Variants in ZNF558 observed in about 807,000 individuals in gnomAD.
ZNF558 encodes zinc finger protein 558.
Under a neutral mutation model 37.6 loss-of-function variants are expected in ZNF558, and 23 were observed. That is an observed-to-expected ratio of 0.61 (90% confidence interval 0.44 to 0.87). The LOEUF (loss-of-function observed/expected upper bound fraction) is 0.87, where lower values mean the gene tolerates loss of function less well. Among genes scored for constraint, ZNF558 ranks in the 40% least tolerant of loss-of-function variants. The pLI, the probability that ZNF558 is intolerant of heterozygous loss-of-function variation, is 0.00. For synonymous variants in ZNF558, 189 were observed against 174.4 expected (o/e 1.08, Z -0.66); for missense variants, 429 against 483.7 (o/e 0.89, Z 1.06).
rs111463432 is a variant in ZNF558 at position 8,831,404 on chromosome 19, G to GAAAAAAA, written c.-592-10_-592-4dup. Reference sequence around the variant, plus strand: ...AGCTTGAATGATGCTTTTCTCATCTGAAAAAAAAAAAAAGACACAAAGATT... The same window carrying GAAAAAAA: ...AGCTTGAATGATGCTTTTCTCATCTGAAAAAAAAAAAAAAAAAAAAGACACAAAGATT... On this transcript the variant is annotated splice_polypyrimidine_tract_variant and splice_region_variant and intron_variant, in intron 1 of 9. Coordinates refer to ENST00000601372, the MANE Select transcript of ZNF558 (RefSeq NM_144693.3). 1 of 147,702 alleles carries GAAAAAAA rather than the reference G, an allele frequency of 6.8e-6. No homozygotes were observed. The highest frequency in any genetic ancestry group is 1.5e-5 in the Non-Finnish European group (1 of 67,100). 9.1% of individuals were successfully genotyped at this position (147,702 alleles called of 1,614,324 possible).
intron 4 of ZNF558, among the ~76,000 whole-genome samples, chr19:8,823,331 TCA>T (rs1276862936): frequency 3.3e-5 from 5 of 150,056 alleles, no homozygotes; most frequent in Admixed American, 2.0e-4. Flanking sequence ...CACGCAGGCC[TCA>T]GTCACCTCCT....
Position 8,822,927 on chromosome 19 carries a change from C to A in ZNF558, c.-65-203G>T. On this transcript the variant is annotated intron_variant, in intron 4 of 9. Transcript: ENST00000601372. This position sits in a 1 kb window ranked among gnomAD's most constrained non-coding sequence, Gnocchi z 4.4. ...CCTTCCTCTGTCCCCAACACAACGA[C>A]CAGTACCTCCCTGACCCACCCGCTT... The A allele has an allele frequency of 1.9e-6, 1 of 539,438 alleles. No individual in the cohort carries two copies. Among genetic ancestry groups the A allele is most frequent in the Non-Finnish European group, 3.4e-6 (1 of 298,214 alleles). The allele number at this position is 539,438 out of a possible 1,614,324, so 33.4% of individuals were successfully genotyped here.
At chr19:8,821,126 G>T in intron 7 of ZNF558, 54 bp downstream of exon 7, 3 of 1,586,778 alleles carry the variant, frequency 1.9e-6, no homozygotes, top group South Asian at 1.1e-5. Context: ...AGCAAAGCAG[G>T]CAAGTGTTGC....
At chr19:8,833,192 TC>T (rs1342639978), upstream of ZNF558, 1 of 152,164 alleles carries the variant, frequency 6.6e-6, no homozygotes, top group Non-Finnish European at 1.5e-5. Context: ...CTTCCTTGGA[TC>T]CCTAGATTGT....
intron 7 of ZNF558, among the ~76,000 whole-genome samples, chr19:8,818,015 C>A (rs1214511485): frequency 6.6e-6 from 1 of 152,154 alleles, no homozygotes; most frequent in African/African-American, 2.4e-5. Context: ...CACCACCCAA[C>A]AAGAGAATCC....
chr19:8,819,000 C>T (rs2044013146), intron 7 of ZNF558, among the ~76,000 whole-genome samples: 1 of 152,208 alleles, frequency 6.6e-6, no homozygotes, highest in Admixed American at 6.5e-5. Flanking sequence ...TTTCTCCACA[C>T]CATAAGCAAA....
rs1249344567 is a variant in ZNF558, at chr19:8,807,011, T to G, written c.*4270A>C. ...CTCCATTTCCCTTAACATATTATTC[T>G]TGGTTATTTTAAAGTCTTTGTCTGC... On this transcript the variant is annotated 3_prime_UTR_variant, in exon 10 of 10. Coordinates refer to ENST00000601372, the MANE Select transcript of ZNF558 (RefSeq NM_144693.3). The G allele has an allele frequency of 2.0e-5, 3 of 152,220 alleles. No homozygotes were observed. Among genetic ancestry groups the G allele is most frequent in the Non-Finnish European group, 4.4e-5 (3 of 68,034 alleles). The allele number at this position is 152,220 out of a possible 1,614,324, so 9.4% of individuals were successfully genotyped here. A position where few individuals can be genotyped will look rare whatever the true frequency, so the allele number is the denominator to read the frequency against.
Position 8,806,485 on chromosome 19 carries a change from G to A in ZNF558, c.*4796C>T, listed in dbSNP as rs984999226. The stretch of plus-strand genomic sequence containing the variant: ...AGACCGAGGTGGGCAAATCATGTGA[G>A]GTCAAAGGATCGAGACCATCCTGGC... On this transcript the variant is annotated 3_prime_UTR_variant, in exon 10 of 10. Coordinates refer to ENST00000601372, the MANE Select transcript of ZNF558 (RefSeq NM_144693.3). 6.6e-6 allele frequency: 1 copy of A among 152,168 alleles called. No individual in the cohort carries two copies. Among genetic ancestry groups the A allele is most frequent in the South Asian group, 2.1e-4 (1 of 4,826 alleles). The allele number at this position is 152,168 out of a possible 1,614,324, so 9.4% of individuals were successfully genotyped here.
upstream of ZNF558, among the ~76,000 whole-genome samples, chr19:8,834,081 AT>A (rs567732130): frequency 7.4e-4 from 112 of 152,328 alleles, no homozygotes; most frequent in African/African-American, 2.6e-3. Flanking sequence ...GAGTGGTAAC[AT>A]TTAAAATCAG....
intron 7 of ZNF558, among the ~76,000 whole-genome samples, chr19:8,815,922 G>A (rs1367348210): frequency 6.6e-6 from 1 of 151,358 alleles, no homozygotes; most frequent in Non-Finnish European, 1.5e-5. Flanking sequence ...TGTAAAGAGA[G>A]AAAAGGGTGA....
chr19:8,826,997 T>A (rs116275270), intron 2 of ZNF558, among the ~76,000 whole-genome samples: 5 of 151,180 alleles, frequency 3.3e-5, no homozygotes, highest in Admixed American at 2.0e-4. Flanking sequence ...AGCTGGGGAG[T>A]GAGGGGGGGT....
intron 2 of ZNF558, among the ~76,000 whole-genome samples, chr19:8,827,608 T>TCTTACAC (rs1247431392): frequency 1.6e-5 from 2 of 128,222 alleles, no homozygotes; most frequent in Non-Finnish European, 3.2e-5. Flanking sequence ...GGAGTCTCAC[T>TCTTACAC]CTTACACCCA....
chr19:8,822,110 G>A lies in ZNF558; in HGVS notation c.32-19C>T. 2 of 1,613,732 alleles carry A rather than the reference G, an allele frequency of 1.2e-6. No homozygotes were observed. The highest frequency in any genetic ancestry group is 1.7e-6 in the Non-Finnish European group (2 of 1,179,766). On this transcript the variant is annotated intron_variant, in intron 5 of 9. Transcript: ENST00000601372. The surrounding 1 kb of genome is among the most constrained non-coding windows in gnomAD (Gnocchi z 4.4). Reference sequence around the variant, plus strand: ...GACGGAGCTGGAGGAGGAGAAATGAGTCCCATGGATTCAGGCTTGTCTGAC... The same window carrying A: ...GACGGAGCTGGAGGAGGAGAAATGAATCCCATGGATTCAGGCTTGTCTGAC...
chr19:8,807,137 AC>A lies in ZNF558; in HGVS notation c.*4143del. 1 of 152,274 alleles carries A rather than the reference AC, an allele frequency of 6.6e-6. No homozygotes were observed. 9.4% of individuals were successfully genotyped at this position (152,274 alleles called of 1,614,324 possible). On this transcript the variant is annotated 3_prime_UTR_variant, in exon 10 of 10. Transcript: ENST00000601372. Reference sequence around the variant, plus strand: ...AATGGATGAAGGAGAGTGAGGTCTGACCCTGGCTATTTCCTGCAGGAGGACC... The same window carrying A: ...AATGGATGAAGGAGAGTGAGGTCTGACCTGGCTATTTCCTGCAGGAGGACC...
At chr19:8,827,659 A>G (rs1466317303) in intron 2 of ZNF558, among the ~76,000 whole-genome samples, 1 of 140,422 alleles carries the variant, frequency 7.1e-6, no homozygotes, top group Non-Finnish European at 1.5e-5. Context: ...CTGCAACCTC[A>G]GCCTCCCAGG....
chr19:8,813,069 C>T lies in ZNF558; in HGVS notation c.343+58G>A, dbSNP rs1370794395. ...CATGAACTAATGTAATACTCCCAAC[C>T]CCCAAGTCACTGGCCAGAGCTATTC... On this transcript the variant is annotated intron_variant, in intron 8 of 9. Transcript: ENST00000601372. The T allele has an allele frequency of 2.9e-6, 4 of 1,380,412 alleles. No homozygotes were observed. The African/African-American group carries it at 5.7e-5, about 20-fold the overall frequency. 85.5% of individuals were successfully genotyped at this position (1,380,412 alleles called of 1,614,324 possible).
intron 9 of ZNF558, among the ~76,000 whole-genome samples, chr19:8,812,354 T>A (rs1006029225): frequency 3.3e-5 from 5 of 152,224 alleles, no homozygotes; most frequent in African/African-American, 1.2e-4. Context: ...TATTTACTTG[T>A]GGGAACTCTC....
At chr19:8,827,874 T>G (rs1344121000) in intron 2 of ZNF558, among the ~76,000 whole-genome samples, 2 of 152,056 alleles carry the variant, frequency 1.3e-5, no homozygotes, top group East Asian at 3.9e-4. Flanking sequence ...GCGCCCAGCT[T>G]CTTTCCCTGT....
At chr19:8,835,979 T>C (rs958238114), upstream of ZNF558, among the ~76,000 whole-genome samples, 1 of 151,930 alleles carries the variant, frequency 6.6e-6, no homozygotes, top group Non-Finnish European at 1.5e-5. Flanking sequence ...AAAGAGACAA[T>C]AGATTAGTGG....
Sources: allele counts gnomAD v4.1 joint callset (sites outside exome capture counted in the v4.1 genomes callset), GRCh38; gene constraint gnomAD v4.1.1; non-coding constraint Gnocchi (gnomAD v3.1); transcripts MANE v1.5; gene names NCBI Gene and HGNC (gene_info 2026-07-23, HGNC 2026-07-21).